Variants in SH3GL2 observed in about 807,000 individuals in gnomAD.
SH3GL2 encodes endophilin-A1.
SH3GL2 carries 24 observed loss-of-function variants against 46.0 expected under a neutral mutation model. That is an observed-to-expected ratio of 0.52 (90% CI 0.38 to 0.73). SH3GL2 has a LOEUF of 0.73. SH3GL2 is among the 30% of genes least tolerant of loss of function. SH3GL2 has a pLI of 0.00. For synonymous variants in SH3GL2, 196 were observed against 147.1 expected (o/e 1.33, Z -2.40); for missense variants, 413 against 424.2 (o/e 0.97, Z 0.23).
chr9:17,711,251 A>G lies in SH3GL2; in HGVS notation c.46-35815A>G, dbSNP rs565300425. Among the ~76,000 whole-genome samples the G allele has an allele frequency of 3.0e-4, 45 of 151,976 alleles. 1 individual carries two copies. Among genetic ancestry groups the G allele is most frequent in the Non-Finnish European group, 5.3e-4 (36 of 67,914 alleles). ...TTTTATTTGAAGAACTAACTTAAAT[A>G]TATGACATATTAATCTTGTTTCCTT... On this transcript the variant is annotated intron_variant, in intron 1 of 8. Transcript: ENST00000380607.
chr9:17,643,017 C>T (rs1370992217), intron 1 of SH3GL2, among the ~76,000 whole-genome samples: 4 of 152,130 alleles, frequency 2.6e-5, no homozygotes, highest in Admixed American at 6.5e-5. Context: ...TTCCTGTCCA[C>T]GAGCATGGAA....
At chr9:17,741,845 T>A (rs1822536512) in intron 1 of SH3GL2, among the ~76,000 whole-genome samples, 1 of 152,108 alleles carries the variant, frequency 6.6e-6, no homozygotes, top group Non-Finnish European at 1.5e-5. Flanking sequence ...ACAGATGATG[T>A]CTCATTAAGA....
intron 1 of SH3GL2, among the ~76,000 whole-genome samples, chr9:17,584,386 C>T: frequency 6.6e-6 from 1 of 152,118 alleles, no homozygotes. Context: ...GCCTGTAATC[C>T]CACCTACCCA....
intron 1 of SH3GL2, among the ~76,000 whole-genome samples, chr9:17,700,083 CAGA>C (rs1821310368): frequency 6.6e-6 from 1 of 152,156 alleles, no homozygotes; most frequent in Non-Finnish European, 1.5e-5. Flanking sequence ...ACCACAATCT[CAGA>C]AGAAGAACAT....
At chr9:17,661,781 C>G (rs1288079894) in intron 1 of SH3GL2, among the ~76,000 whole-genome samples, 1 of 152,118 alleles carries the variant, frequency 6.6e-6, no homozygotes, top group Admixed American at 6.5e-5. Flanking sequence ...ATAGTGGAAA[C>G]TACAGTCTTT....
intron 1 of SH3GL2, among the ~76,000 whole-genome samples, chr9:17,642,353 C>G (rs956000089): frequency 2.0e-5 from 3 of 151,636 alleles, no homozygotes; most frequent in African/African-American, 7.3e-5. Context: ...TGCAGAAGCT[C>G]TTTAATTAGA....
intron 2 of SH3GL2, among the ~76,000 whole-genome samples, chr9:17,754,613 C>G (rs1822937767): frequency 6.6e-6 from 1 of 152,118 alleles, no homozygotes; most frequent in Non-Finnish European, 1.5e-5. Context: ...GTGGAGCTTG[C>G]AGTGAGCCGA....
At chr9:17,646,368 A>T (rs1299993815) in intron 1 of SH3GL2, among the ~76,000 whole-genome samples, 4 of 151,924 alleles carry the variant, frequency 2.6e-5, no homozygotes, top group Non-Finnish European at 5.9e-5. Context: ...TCTGAAGCCT[A>T]CTTCTGTCAA....
chr9:17,614,468 T>C (rs926662684), intron 1 of SH3GL2, among the ~76,000 whole-genome samples: 1 of 152,064 alleles, frequency 6.6e-6, no homozygotes, highest in Non-Finnish European at 1.5e-5. Context: ...ACTGGCCCAC[T>C]AAAGATCTGT....
chr9:17,715,869 T>C (rs1821743575), intron 1 of SH3GL2, among the ~76,000 whole-genome samples: 1 of 152,094 alleles, frequency 6.6e-6, no homozygotes, highest in Non-Finnish European at 1.5e-5. Flanking sequence ...CAAGTTCATC[T>C]AACACAAAGC....
chr9:17,732,835 A>G (rs1335952135), intron 1 of SH3GL2, among the ~76,000 whole-genome samples: 1 of 152,158 alleles, frequency 6.6e-6, no homozygotes, highest in Admixed American at 6.6e-5. Flanking sequence ...TAAAAAATTT[A>G]AAAGATTTTT....
At chr9:17,765,915 T>A (rs144268759) in intron 3 of SH3GL2, among the ~76,000 whole-genome samples, 17 of 152,354 alleles carry the variant, frequency 1.1e-4, no homozygotes, top group African/African-American at 3.8e-4. Context: ...TGAAGCACAG[T>A]TGACTGTCAG....
chr9:17,639,122 A>C (rs1819613585), intron 1 of SH3GL2, among the ~76,000 whole-genome samples: 1 of 152,214 alleles, frequency 6.6e-6, no homozygotes, highest in African/African-American at 2.4e-5. Context: ...AAATGAAACC[A>C]TTGCCATTTT....
rs371767677 is a variant in SH3GL2, at chr9:17,787,475, C to T, written c.427C>T (p.Leu143Phe). 6.2e-7 allele frequency: 1 copy of T among 1,612,822 alleles called. No homozygotes were observed. The highest frequency in any genetic ancestry group is 8.5e-7 in the Non-Finnish European group (1 of 1,179,000). ...AGTGAAGCAGAACTTCATTGACCCTCTTCAGAATCTTCATGACAAAGATCT... is the reference window on the plus strand; with the variant it reads ...AGTGAAGCAGAACTTCATTGACCCTTTTCAGAATCTTCATGACAAAGATCT... ...IEVKQNFIDP[L>F]QNLHDKDLRE... The change falls in exon 5 of 9, where the codon CTT (leucine) becomes TTT (phenylalanine). Residue 143 changes from leucine to phenylalanine, a missense_variant. Physicochemically the swap from Leu to Phe is conservative, Grantham distance 22. Around this residue, in one of 3 missense-constraint regions of SH3GL2, gnomAD observed 160 missense variants for 192.3 expected, o/e 0.83. Transcript: ENST00000380607.
chr9:17,589,417 A>C (rs2134544547), intron 1 of SH3GL2: 1 of 151,306 alleles, frequency 6.6e-6, no homozygotes, highest in African/African-American at 2.4e-5. Context: ...TTCTCTGATG[A>C]GGCACAAGTT....
At chr9:17,767,198 A>G (rs1035578332) in intron 3 of SH3GL2, among the ~76,000 whole-genome samples, 1 of 152,224 alleles carries the variant, frequency 6.6e-6, no homozygotes, top group African/African-American at 2.4e-5. Context: ...TTGAATGCCT[A>G]TATGGTCTAG....
chr9:17,615,961 A>G (rs112607679), intron 1 of SH3GL2, among the ~76,000 whole-genome samples: 163 of 152,276 alleles, frequency 1.1e-3, no homozygotes, highest in African/African-American at 3.5e-3. Context: ...TGAGAAAGTT[A>G]AAATTTGTGC....
chr9:17,787,830 A>G lies in SH3GL2; in HGVS notation c.465+317A>G, dbSNP rs141919085. Among the ~76,000 whole-genome samples, 6 of 152,244 alleles carry G rather than the reference A, an allele frequency of 3.9e-5. No homozygotes were observed. The East Asian group carries it at 7.7e-4, about 20-fold the overall frequency. On this transcript the variant is annotated intron_variant, in intron 5 of 8. Transcript: ENST00000380607. ...AATACACAGTTTTGTTAATTATTCT[A>G]TGGTTTGCTGGGCTGATTTCACCCA...
At chr9:17,686,131 C>T (rs576605272) in intron 1 of SH3GL2, among the ~76,000 whole-genome samples, 20 of 134,722 alleles carry the variant, frequency 1.5e-4, no homozygotes, top group South Asian at 5.0e-4. Context: ...GGGCGAAGGA[C>T]ATGAACAGAC....
Sources: gnomAD v4.1 joint callset for allele counts (sites outside exome capture counted in the v4.1 genomes callset) on GRCh38, gnomAD v4.1.1 for gene constraint, gnomAD v4.1.1 regional missense constraint, MANE v1.5 for transcripts, NCBI Gene and HGNC (gene_info 2026-07-23, HGNC 2026-07-21) for gene names.